SPATA7: variants seen among roughly 807,000 people sequenced by gnomAD.
The protein encoded by SPATA7 is spermatogenesis associated 7.
Under a neutral mutation model 51.8 loss-of-function variants are expected in SPATA7, and 43 were observed. The observed-to-expected ratio is 0.83, with a 90% CI of 0.65 to 1.07. The LOEUF (loss-of-function observed/expected upper bound fraction) is 1.07, where lower values mean the gene tolerates loss of function less well. SPATA7 is among the 50% of genes least tolerant of loss of function. The pLI is 0.00. For missense variants in SPATA7, 683 were observed against 701.3 expected, an observed-to-expected ratio of 0.97 and a Z score of 0.30; for synonymous variants, 230 against 252.8, an observed-to-expected ratio of 0.91 and a Z score of 0.86.
intron 5 of SPATA7, among the ~76,000 whole-genome samples, chr14:88,425,487 G>A (rs993094084): frequency 2.2e-4 from 34 of 152,090 alleles, no homozygotes; most frequent in African/African-American, 6.5e-4. Context: ...AGATGTGTCC[G>A]TAAGGGCTGA....
chr14:88,447,172 A>G (rs1365170467), intron 3 of SPATA7, among the ~76,000 whole-genome samples: 1 of 149,050 alleles, frequency 6.7e-6, no homozygotes, highest in Admixed American at 6.6e-5. Flanking sequence ...GTGCTCCTGT[A>G]TTGGGTGCAT....
intron 4 of SPATA7, among the ~76,000 whole-genome samples, chr14:88,402,978 A>C (rs1198876324): frequency 1.3e-5 from 2 of 151,058 alleles, no homozygotes; most frequent in African/African-American, 4.8e-5. Flanking sequence ...AAAAAAAAAA[A>C]AAAAACCCAA....
In SPATA7 at chr14:88,438,111, A is replaced by T. The variant is rs758289084; in HGVS notation, c.1489A>T (p.Lys497Ter). 1.2e-6 allele frequency: 2 copies of T among 1,613,974 alleles called. No individual in the cohort carries two copies. The highest frequency in any genetic ancestry group is 1.7e-6 in the Non-Finnish European group (2 of 1,180,012). ...SPTEFFMPIY[K>*]SKHSEGVIIQ... The stretch of plus-strand genomic sequence containing the variant: ...AACTGAATTTTTCATGCCTATTTAT[A>T]AATCAAAGCATTCAGAAGGGGTTAT... Residue 497 changes from lysine to a stop codon, truncating the protein, a stop_gained, in exon 12 of 12, where the codon AAA becomes TAA. Transcript: ENST00000393545. LOFTEE classifies it low-confidence loss of function (END_TRUNC).
chr14:88,427,596 AG>A (rs750768442), intron 6 of SPATA7, 33 bp from the exon 7 acceptor site: 11 of 1,452,966 alleles, frequency 7.6e-6, no homozygotes, highest in Non-Finnish European at 1.0e-5. Flanking sequence ...TATATTTTGA[AG>A]GATTAACAAT....
intron 3 of SPATA7, among the ~76,000 whole-genome samples, chr14:88,444,777 C>T (rs1162418138): frequency 6.6e-6 from 1 of 152,162 alleles, no homozygotes; most frequent in Non-Finnish European, 1.5e-5. Context: ...TCAGGTTTGT[C>T]AAAGATCAGA....
intron 4 of SPATA7, among the ~76,000 whole-genome samples, chr14:88,409,463 C>A (rs1313742052): frequency 6.6e-6 from 1 of 151,434 alleles, no homozygotes; most frequent in Non-Finnish European, 1.5e-5. Flanking sequence ...TTTTATTGTG[C>A]CTTTTTGATT....
intron 4 of SPATA7, among the ~76,000 whole-genome samples, chr14:88,398,428 A>G (rs1364240810): frequency 1.4e-5 from 2 of 139,784 alleles, no homozygotes; most frequent in Admixed American, 7.8e-5. Flanking sequence ...GAATTGAACA[A>G]TGAGATCACA....
chr14:88,408,535 C>T (rs1025477767), intron 4 of SPATA7, among the ~76,000 whole-genome samples: 2 of 152,058 alleles, frequency 1.3e-5, no homozygotes, highest in African/African-American at 4.8e-5. Context: ...TCTGAATATA[C>T]AATCATGTCA....
intron 1 of SPATA7, chr14:88,386,141 G>C: frequency 1.0e-6 from 1 of 975,936 alleles, no homozygotes; most frequent in East Asian, 3.0e-5. Context: ...AGAGGAACCA[G>C]GTTTGGTCTT....
At chr14:88,453,012 C>T (rs1020624192) in intron 3 of SPATA7, among the ~76,000 whole-genome samples, 1 of 152,212 alleles carries the variant, frequency 6.6e-6, no homozygotes, top group Non-Finnish European at 1.5e-5. Flanking sequence ...ATAACACCTC[C>T]TGTGAAACCT....
At chr14:88,461,426 G>C (rs1020091713) in intron 4 of SPATA7, among the ~76,000 whole-genome samples, 2 of 152,164 alleles carry the variant, frequency 1.3e-5, no homozygotes, top group African/African-American at 4.8e-5. Context: ...CCCTCCCCCA[G>C]CCTCGCTGCC....
At chr14:88,412,518 C>G (rs1035469459) in intron 4 of SPATA7, among the ~76,000 whole-genome samples, 1 of 152,022 alleles carries the variant, frequency 6.6e-6, no homozygotes, top group Non-Finnish European at 1.5e-5. Flanking sequence ...GCTTTATGTT[C>G]GCTCGCAGCT....
At chr14:88,441,840 T>C (rs1306869192), downstream of SPATA7, among the ~76,000 whole-genome samples, 1 of 152,220 alleles carries the variant, frequency 6.6e-6, no homozygotes, top group East Asian at 1.9e-4. Flanking sequence ...ATCATTTTAG[T>C]TTACCTAAGT....
At chr14:88,422,941 G>A (rs2076686679) in intron 5 of SPATA7, among the ~76,000 whole-genome samples, 1 of 152,126 alleles carries the variant, frequency 6.6e-6, no homozygotes, top group Admixed American at 6.5e-5. Context: ...GGCTGCTATA[G>A]TTAAAATGCT....
At chr14:88,461,241 G>T (rs2077315604) in intron 4 of SPATA7, among the ~76,000 whole-genome samples, 1 of 152,188 alleles carries the variant, frequency 6.6e-6, no homozygotes, top group Admixed American at 6.5e-5. Flanking sequence ...AAAGCTGTCA[G>T]ACAGGGACAT....
intron 3 of SPATA7, among the ~76,000 whole-genome samples, chr14:88,449,930 T>G (rs1404677522): frequency 6.6e-6 from 1 of 152,126 alleles, no homozygotes; most frequent in Non-Finnish European, 1.5e-5. Context: ...CATGGAAAGA[T>G]ATTCCATTGG....
chr14:88,437,632 A>G (rs902425023), intron 11 of SPATA7, 35 bp downstream of exon 11: 3 of 1,509,826 alleles, frequency 2.0e-6, no homozygotes, highest in South Asian at 1.2e-5. Context: ...TAGAAAAATT[A>G]TAATGTAAAA....
intron 4 of SPATA7, among the ~76,000 whole-genome samples, chr14:88,411,123 T>G (rs1467415914): frequency 6.6e-6 from 1 of 152,160 alleles, no homozygotes; most frequent in East Asian, 1.9e-4. Flanking sequence ...TGTGGCGCTG[T>G]GGTGGGCTCC....
At chr14:88,430,526 A>G (rs1369383652) in intron 8 of SPATA7, among the ~76,000 whole-genome samples, 1 of 152,172 alleles carries the variant, frequency 6.6e-6, no homozygotes, top group East Asian at 1.9e-4. Context: ...ATAACTGAAT[A>G]ATAACAAAAT....
Sources: allele counts gnomAD v4.1 joint callset (sites outside exome capture counted in the v4.1 genomes callset), GRCh38; gene constraint gnomAD v4.1.1; transcripts MANE v1.5; gene names NCBI Gene and HGNC (gene_info 2026-07-23, HGNC 2026-07-21).